The following RSPH9 variants were observed in gnomAD, a reference collection of about 807,000 sequenced individuals.
The protein encoded by RSPH9 is radial spoke head protein 9 homolog.
RSPH9 carries 27 observed loss-of-function variants against 27.0 expected under a neutral mutation model. That is an observed-to-expected ratio of 1.00 (90% CI 0.74 to 1.38). The LOEUF (loss-of-function observed/expected upper bound fraction) is 1.38. Ranked by LOEUF, RSPH9 falls within the 40% of genes most tolerant of loss-of-function variation. The pLI, the probability that RSPH9 is intolerant of heterozygous loss-of-function variation, is 0.00. For synonymous variants in RSPH9, 145 were observed against 147.7 expected, an observed-to-expected ratio of 0.98 and a Z score of 0.13; for missense variants, 347 against 357.4, an observed-to-expected ratio of 0.97 and a Z score of 0.24.
chr6:43,656,723 GGT>G lies in RSPH9; in HGVS notation c.670+1_670+2del. On this transcript the variant is annotated splice_donor_variant, in intron 4 of 4. Transcript: ENST00000372163. LOFTEE classifies it high-confidence loss of function. ...CTCCTTGGAGCATGACATTCCCAAA[GGT>G]AATAGTCCATTACCTGGAGGCCATG... 6.2e-7 allele frequency: 1 copy of G among 1,614,036 alleles called. No homozygotes were observed. The highest frequency in any genetic ancestry group is 8.5e-7 in the Non-Finnish European group (1 of 1,180,002).
intron 1 of RSPH9, among the ~76,000 whole-genome samples, chr6:43,649,836 A>T (rs753759204): frequency 6.6e-6 from 1 of 152,226 alleles, no homozygotes; most frequent in African/African-American, 2.4e-5. Context: ...CAGTCCGGAT[A>T]TCTAGGAAGA....
intron 1 of RSPH9, among the ~76,000 whole-genome samples, chr6:43,646,125 T>TTGA (rs1422322198): frequency 6.7e-6 from 1 of 149,850 alleles, no homozygotes; most frequent in East Asian, 2.0e-4. Context: ...TGGCTATTTA[T>TTGA]TTATTATTAT....
rs559718682 is a variant in RSPH9, at chr6:43,667,416, G to A, written c.671-3373G>A. 2.9e-5 allele frequency among the ~76,000 whole-genome samples: 4 copies of A among 136,194 alleles called. No homozygotes were observed. The South Asian group carries it at 6.8e-4, about 23-fold the overall frequency. 89.3% of individuals were successfully genotyped at this position (136,194 alleles called of 152,430 possible). ...TGCTCAGTTCAGGCAGCAGAGGGCA[G>A]CAACGCGCCTGCCTGCCTACCTGGA... On this transcript the variant is annotated intron_variant, in intron 4 of 4. Coordinates refer to ENST00000372163, the MANE Select transcript of RSPH9 (RefSeq NM_152732.5).
Position 43,650,639 on chromosome 6 carries a change from G to A in RSPH9, c.393+99G>A, listed in dbSNP as rs201915429. On this transcript the variant is annotated intron_variant, in intron 2 of 4. Coordinates refer to ENST00000372163, the MANE Select transcript of RSPH9 (RefSeq NM_152732.5). ...TTATGGCAACAGGCTGGGCACGGTG[G>A]CTCACGCCTGTAATCTCAGCACTTT... 1.4e-4 allele frequency: 176 copies of A among 1,269,716 alleles called. No individual in the cohort carries two copies. The East Asian group carries it at 3.8e-3, about 27-fold the overall frequency. 78.7% of individuals were successfully genotyped at this position (1,269,716 alleles called of 1,614,324 possible). A position where few individuals can be genotyped will look rare whatever the true frequency, so the allele number is the denominator to read the frequency against.
intron 4 of RSPH9, among the ~76,000 whole-genome samples, chr6:43,660,348 G>A (rs556000137): frequency 6.6e-6 from 1 of 152,174 alleles, no homozygotes; most frequent in Non-Finnish European, 1.5e-5. Flanking sequence ...GCCCTCCACT[G>A]ACGTCTTGAA....
chr6:43,650,483 A>G lies in RSPH9; in HGVS notation c.336A>G (p.Glu112=). The G allele has an allele frequency of 1.2e-6, 2 of 1,614,190 alleles. No individual in the cohort carries two copies. Among genetic ancestry groups the G allele is most frequent in the Non-Finnish European group, 1.7e-6 (2 of 1,180,022 alleles). ...TGGGGGACCCATCATACGAATATGA[A>G]CACACTGAGCTGCAGAAGGTGAATG... is the stretch of plus-strand genomic sequence containing the variant. ...RFMGDPSYEY[E]HTELQKVNEG... is the part of the protein sequence containing the mutation. Residue 112 remains glutamate, a synonymous_variant, in exon 2 of 5, where the codon GAA becomes GAG. Coordinates refer to ENST00000372163, the MANE Select transcript of RSPH9 (RefSeq NM_152732.5).
intron 4 of RSPH9, chr6:43,666,605 C>A: frequency 1.1e-6 from 1 of 879,472 alleles, no homozygotes. Flanking sequence ...GAGCTGTTGT[C>A]CTCATGAGTT....
At chr6:43,651,651 C>G (rs1227315511) in intron 2 of RSPH9, among the ~76,000 whole-genome samples, 2 of 151,794 alleles carry the variant, frequency 1.3e-5, no homozygotes, top group Non-Finnish European at 2.9e-5. Context: ...TGGGTTCAAG[C>G]AATTCTCCTG....
intron 2 of RSPH9, among the ~76,000 whole-genome samples, chr6:43,652,266 A>G (rs998302961): frequency 6.6e-6 from 1 of 150,686 alleles, no homozygotes; most frequent in African/African-American, 2.4e-5. Context: ...AGATCGGGCC[A>G]CTGCACTCCA....
At position 43,671,145 on chromosome 6, in the gene RSPH9, G is replaced by A; in HGVS notation, c.*196G>A. The A allele has an allele frequency of 1.5e-6, 1 of 648,128 alleles. No homozygotes were observed. The highest frequency in any genetic ancestry group is 2.7e-6 in the Non-Finnish European group (1 of 375,902). 40.1% of individuals were successfully genotyped at this position (648,128 alleles called of 1,614,324 possible). A position where few individuals can be genotyped will look rare whatever the true frequency, so the allele number is the denominator to read the frequency against. Reference sequence around the variant, plus strand: ...GGGGTTGGAATGTGCTAATGAAAGAGATTCTAGACAACGATGGGTGGAAAT... The same window carrying A: ...GGGGTTGGAATGTGCTAATGAAAGAAATTCTAGACAACGATGGGTGGAAAT... On this transcript the variant is annotated 3_prime_UTR_variant, in exon 5 of 5. Coordinates refer to ENST00000372163, the MANE Select transcript of RSPH9 (RefSeq NM_152732.5).
chr6:43,655,463 A>C (rs763236633), intron 2 of RSPH9, 99 bp from the exon 3 acceptor site: 20 of 1,351,210 alleles, frequency 1.5e-5, no homozygotes, highest in Non-Finnish European at 2.1e-5. Context: ...GGTCCACTAC[A>C]CTGCAGTGGT....
Position 43,656,121 on chromosome 6 carries a change from T to A in RSPH9, c.523+430T>A, listed in dbSNP as rs78354095. Among the ~76,000 whole-genome samples, 221 of 141,482 alleles carry A rather than the reference T, an allele frequency of 1.6e-3. 2 individuals carry two copies. The highest frequency in any genetic ancestry group is 2.9e-3 in the Non-Finnish European group (187 of 65,072). The allele number at this position is 141,482 out of a possible 152,430, so 92.8% of individuals were successfully genotyped here. ...TTCTTTCTTGATGGTGTTTTGCTCT[T>A]GTCATCCAGGCTGGAGTGCAGTGGC... On this transcript the variant is annotated intron_variant, in intron 3 of 4. Coordinates refer to ENST00000372163, the MANE Select transcript of RSPH9 (RefSeq NM_152732.5).
intron 1 of RSPH9, among the ~76,000 whole-genome samples, chr6:43,647,721 G>A (rs556530020): frequency 6.6e-6 from 1 of 152,160 alleles, no homozygotes; most frequent in Non-Finnish European, 1.5e-5. Context: ...GAATACAGAA[G>A]AAAAAGTTGA....
At chr6:43,664,840 C>T (rs1310803186) in intron 4 of RSPH9, among the ~76,000 whole-genome samples, 3 of 152,206 alleles carry the variant, frequency 2.0e-5, no homozygotes, top group Non-Finnish European at 4.4e-5. Context: ...TGCTCCCAGA[C>T]TTGTCAGGAG....
intron 4 of RSPH9, chr6:43,666,594 A>G (rs946696068): frequency 6.2e-6 from 6 of 969,164 alleles, no homozygotes; most frequent in Non-Finnish European, 7.8e-6. Flanking sequence ...GAGGAGTGGG[A>G]GAGCTGTTGT....
intron 1 of RSPH9, among the ~76,000 whole-genome samples, chr6:43,645,745 A>T (rs192986639): frequency 3.9e-5 from 6 of 152,356 alleles, no homozygotes; most frequent in Admixed American, 2.6e-4. Flanking sequence ...AGAAGAAGCC[A>T]GGTTCCAGCC....
intron 4 of RSPH9, among the ~76,000 whole-genome samples, chr6:43,669,706 G>A (rs573258669): frequency 1.3e-5 from 2 of 152,380 alleles, no homozygotes; most frequent in South Asian, 4.1e-4. Flanking sequence ...CAGGGGAATA[G>A]AAGCCCCAGA....
chr6:43,670,674 C>A, intron 4 of RSPH9, 115 bp from the exon 5 acceptor site: 1 of 802,420 alleles, frequency 1.2e-6, no homozygotes, highest in South Asian at 1.5e-5. Flanking sequence ...GGTCTCTCCC[C>A]AGTGGAACCA....
At chr6:43,658,703 G>A (rs1021887764) in intron 4 of RSPH9, among the ~76,000 whole-genome samples, 2 of 152,008 alleles carry the variant, frequency 1.3e-5, no homozygotes, top group African/African-American at 4.8e-5. Context: ...CACCATGCCT[G>A]GCTAATCTTT....
Sources: gnomAD v4.1 joint callset for allele counts (sites outside exome capture counted in the v4.1 genomes callset) on GRCh38, gnomAD v4.1.1 for gene constraint, MANE v1.5 for transcripts, NCBI Gene and HGNC (gene_info 2026-07-23, HGNC 2026-07-21) for gene names.